Variants in ACSL1 observed in about 807,000 individuals in gnomAD.
ACSL1 encodes the protein long-chain-fatty-acid--CoA ligase 1.
ACSL1 carries 41 observed loss-of-function variants against 98.4 expected under a neutral mutation model. The ratio of observed to expected loss-of-function variants is 0.42; its 90% CI spans 0.32 to 0.54. The LOEUF is 0.54. Among genes scored for constraint, ACSL1 ranks in the 20% least tolerant of loss-of-function variants. ACSL1 has a pLI of 0.13. For missense variants in ACSL1, 734 were observed against 883.1 expected (o/e 0.83, Z 2.14); for synonymous variants, 316 against 322.7 (o/e 0.98, Z 0.22).
chr4:184,814,963 C>T (rs1474021218), intron 1 of ACSL1: 2 of 454,598 alleles, frequency 4.4e-6, no homozygotes, highest in East Asian at 6.9e-5. Context: ...TCCTTAGTTC[C>T]TGACAATCAG....
chr4:184,776,146 CA>C (rs1259612383), intron 7 of ACSL1, among the ~76,000 whole-genome samples: 1 of 152,224 alleles, frequency 6.6e-6, no homozygotes, highest in Non-Finnish European at 1.5e-5. Flanking sequence ...AAGTAAAAGG[CA>C]TTAAAGCCCA....
intron 15 of ACSL1, 66 bp from the exon 16 acceptor site, chr4:184,763,321 T>G: frequency 6.9e-7 from 1 of 1,454,512 alleles, no homozygotes; most frequent in Middle Eastern, 1.7e-4. Flanking sequence ...TCAAATTATT[T>G]TGATAGCAAA....
chr4:184,780,216 G>C (rs145136065), intron 5 of ACSL1, 116 bp downstream of exon 5: 1 of 902,620 alleles, frequency 1.1e-6, no homozygotes. Flanking sequence ...AAGGTGTAAC[G>C]TAAAGCTATA....
chr4:184,815,001 G>A (rs142128660), intron 1 of ACSL1: 30 of 456,114 alleles, frequency 6.6e-5, no homozygotes, highest in African/African-American at 5.0e-4. Context: ...TACTTACAAG[G>A]TTTTCTTTGC....
intron 5 of ACSL1, among the ~76,000 whole-genome samples, chr4:184,778,086 C>T (rs540634196): frequency 3.9e-5 from 6 of 152,252 alleles, no homozygotes; most frequent in Admixed American, 6.5e-5. Flanking sequence ...ACTGGCCACA[C>T]TGCCACATGC....
At chr4:184,768,193 T>C (rs932851138) in intron 12 of ACSL1, 123 bp downstream of exon 12, 6 of 1,049,626 alleles carry the variant, frequency 5.7e-6, no homozygotes, top group African/African-American at 3.3e-5. Flanking sequence ...TAAACTGAAG[T>C]TCTGTAAGAT....
rs1471147610 is a variant in ACSL1, at chr4:184,763,180, T to G, written c.1508A>C (p.Glu503Ala). Residue 503 changes from glutamate (E) to alanine (A), a missense_variant, in exon 16 of 21, where the codon GAG (glutamate) becomes GCG (alanine). Physicochemically the swap from Glu to Ala is moderately radical, Grantham distance 107 (BLOSUM62 -1). Coordinates refer to ENST00000281455, the MANE Select transcript of ACSL1 (RefSeq NM_001995.5). ...GTTTTCACTCACCTCGCCCTCGCCC[T>G]CGGCAGCCATGTAATTCATTTCTTC... ...DVEEMNYMAA[E>A]GEGEVCVKGP... 1 of 1,613,670 alleles carries G rather than the reference T, an allele frequency of 6.2e-7. No homozygotes were observed. Among genetic ancestry groups the G allele is most frequent in the Admixed American group, 1.7e-5 (1 of 59,858 alleles).
At chr4:184,767,137 C>T (rs1394157322) in intron 12 of ACSL1, among the ~76,000 whole-genome samples, 3 of 151,924 alleles carry the variant, frequency 2.0e-5, no homozygotes, top group Non-Finnish European at 4.4e-5. Flanking sequence ...CAGAAATTAG[C>T]CGGGCATGGT....
At chr4:184,763,282 T>C (rs755266544) in intron 15 of ACSL1, 27 bp from the exon 16 acceptor site, 139 of 1,602,982 alleles carry the variant, frequency 8.7e-5, no homozygotes, top group Non-Finnish European at 1.1e-4. Flanking sequence ...CAAATGGTCA[T>C]TCCTAAGGGA....
chr4:184,779,175 G>C (rs544444438), intron 5 of ACSL1, among the ~76,000 whole-genome samples: 3 of 152,144 alleles, frequency 2.0e-5, no homozygotes, highest in Non-Finnish European at 4.4e-5. Flanking sequence ...AACTTGAATT[G>C]TATCTCCCAG....
At chr4:184,812,127 T>C in intron 1 of ACSL1, 1 of 923,228 alleles carries the variant, frequency 1.1e-6, no homozygotes, top group Non-Finnish European at 1.3e-6. Flanking sequence ...GTAACCCCTG[T>C]GTGGTACTTA....
intron 15 of ACSL1, among the ~76,000 whole-genome samples, chr4:184,763,637 TAAG>T (rs1405493772): frequency 6.6e-6 from 1 of 152,224 alleles, no homozygotes; most frequent in Non-Finnish European, 1.5e-5. Context: ...CTGTTCTCTG[TAAG>T]AAGAGAGAAC....
intron 3 of ACSL1, 40 bp downstream of exon 3, chr4:184,788,577 A>G (rs771146676): frequency 1.3e-6 from 2 of 1,501,512 alleles, no homozygotes; most frequent in Admixed American, 1.7e-5. Flanking sequence ...TTCATGAAAC[A>G]CGGCGAGCGG....
chr4:184,809,744 T>C lies in ACSL1; in HGVS notation c.-32-6198A>G, dbSNP rs1291988239. On this transcript the variant is annotated intron_variant, in intron 1 of 20. Coordinates refer to ENST00000281455, the MANE Select transcript of ACSL1 (RefSeq NM_001995.5). The stretch of plus-strand genomic sequence containing the variant: ...CTGGGAAGCGGAGCTTGCAGTAAGC[T>C]GAGATCGCGCCACTGCACTCCAGCC... Among the ~76,000 whole-genome samples, 5 of 152,236 alleles carry C rather than the reference T, an allele frequency of 3.3e-5. 1 individual carries two copies. In the South Asian group the frequency reaches 6.2e-4, roughly 19 times the overall value.
intron 16 of ACSL1, among the ~76,000 whole-genome samples, 178 bp from the exon 17 acceptor site, chr4:184,762,701 CT>C (rs1428204546): frequency 6.6e-6 from 1 of 152,218 alleles, no homozygotes; most frequent in Non-Finnish European, 1.5e-5. Context: ...TCCAGTGCCC[CT>C]ACTTCCCTTC....
chr4:184,821,624 A>C (rs1195928895), intron 1 of ACSL1, among the ~76,000 whole-genome samples: 1 of 152,274 alleles, frequency 6.6e-6, no homozygotes, highest in Non-Finnish European at 1.5e-5. Context: ...GTTTTAAAGC[A>C]GAACATTTTT....
At position 184,764,940 on chromosome 4, in the gene ACSL1, G is replaced by A. The variant is rs776363360; in HGVS notation, c.1360-15C>T. 1 of 1,612,516 alleles carries A rather than the reference G, an allele frequency of 6.2e-7. No homozygotes were observed. The highest frequency in any genetic ancestry group is 2.2e-5 in the East Asian group (1 of 44,858). ...CCTTCATAAAACTGGGGCACCAAGA[G>A]ATGCAACATTATTAAGGAGAGCACA... On this transcript the variant is annotated splice_polypyrimidine_tract_variant and intron_variant, in intron 14 of 20. Coordinates refer to ENST00000281455, the MANE Select transcript of ACSL1 (RefSeq NM_001995.5).
rs1766594307 is a variant in ACSL1 at position 184,783,046 on chromosome 4, G to A, written c.375+881C>T. On this transcript the variant is annotated intron_variant, in intron 4 of 20. Coordinates refer to ENST00000281455, the MANE Select transcript of ACSL1 (RefSeq NM_001995.5). ...CGAGAGCAGGAGAAGGGGGGCCAGG[G>A]ACGGGAGCCTTTCCTGGACAGCTGT... Among the ~76,000 whole-genome samples the A allele has an allele frequency of 3.3e-5, 5 of 152,190 alleles. No individual in the cohort carries two copies. In the South Asian group the frequency reaches 1.0e-3, roughly 32 times the overall value.
chr4:184,808,512 A>G lies in ACSL1; in HGVS notation c.-32-4966T>C, dbSNP rs911450848. On this transcript the variant is annotated intron_variant, in intron 1 of 20. Coordinates refer to ENST00000281455, the MANE Select transcript of ACSL1 (RefSeq NM_001995.5). ...CCTGACATCTTTCCTTAACGCAGCA[A>G]CCCAAGCTGGCAAGATGCTGCCATT... 11 of 985,306 alleles carry G rather than the reference A, an allele frequency of 1.1e-5. No homozygotes were observed. In the African/African-American group the frequency reaches 1.7e-4, roughly 16 times the overall value. 61.0% of individuals were successfully genotyped at this position (985,306 alleles called of 1,614,324 possible).
Sources: gnomAD v4.1 joint callset for allele counts (sites outside exome capture counted in the v4.1 genomes callset) on GRCh38, gnomAD v4.1.1 for gene constraint, MANE v1.5 for transcripts, NCBI Gene and HGNC (gene_info 2026-07-23, HGNC 2026-07-21) for gene names.